Variants in CLVS1 observed in about 807,000 individuals in gnomAD.
CLVS1 encodes clavesin 1, also known as clavesin-1.
In CLVS1, 10 loss-of-function variants were observed where a neutral mutation model predicts 33.1. That is an observed-to-expected ratio of 0.30 (90% CI 0.19 to 0.51). CLVS1 has a LOEUF of 0.51. Ranked by LOEUF, CLVS1 falls within the 20% of genes least tolerant of loss-of-function variation. The pLI, the probability that CLVS1 is intolerant of heterozygous loss-of-function variation, is 0.97. For synonymous variants in CLVS1, 163 were observed against 166.1 expected (o/e 0.98, Z 0.14); for missense variants, 343 against 433.4 (o/e 0.79, Z 1.85).
intron 1 of CLVS1, among the ~76,000 whole-genome samples, chr8:61,075,961 C>T (rs1804902669): frequency 6.6e-6 from 1 of 152,186 alleles, no homozygotes; most frequent in South Asian, 2.1e-4. Flanking sequence ...ATAAGGAATA[C>T]AGGGTCCCTG....
At chr8:61,232,601 T>A (rs1399526276) in intron 2 of CLVS1, among the ~76,000 whole-genome samples, 1 of 152,190 alleles carries the variant, frequency 6.6e-6, no homozygotes. Context: ...CTGCATGTGG[T>A]GATGTGAGAA....
At chr8:61,254,140 T>G (rs1225848338) in intron 2 of CLVS1, among the ~76,000 whole-genome samples, 1 of 152,242 alleles carries the variant, frequency 6.6e-6, no homozygotes, top group Non-Finnish European at 1.5e-5. Context: ...CTTCTAACAG[T>G]CAGGACCCTC....
At chr8:61,368,617 A>G (rs956992335) in intron 2 of CLVS1, among the ~76,000 whole-genome samples, 2 of 152,194 alleles carry the variant, frequency 1.3e-5, no homozygotes, top group Non-Finnish European at 2.9e-5. Context: ...CAATGACTCT[A>G]GCTGTTTTTA....
rs1804039579 is a variant in CLVS1, at chr8:61,490,639, C to T, written c.978-8816C>T. ...CACCACTGCACTCCAGCCTGGGTGA[C>T]AGAGCGAGATCCGTCTCAAAAAAAA... On this transcript the variant is annotated intron_variant, in intron 5 of 5. Transcript: ENST00000325897. 3.0e-5 allele frequency among the ~76,000 whole-genome samples: 4 copies of T among 133,540 alleles called. No homozygotes were observed. In the Admixed American group the frequency reaches 3.4e-4, roughly 11 times the overall value. The allele number at this position is 133,540 out of a possible 152,430, so 87.6% of individuals were successfully genotyped here.
chr8:61,069,008 C>T (rs2129279750), intron 1 of CLVS1, among the ~76,000 whole-genome samples: 1 of 152,274 alleles, frequency 6.6e-6, no homozygotes, highest in East Asian at 1.9e-4. Context: ...TTCTTGTTGT[C>T]CAGGCTGGAG....
At chr8:61,409,246 C>T (rs1223777893) in intron 3 of CLVS1, among the ~76,000 whole-genome samples, 1 of 152,312 alleles carries the variant, frequency 6.6e-6, no homozygotes, top group Admixed American at 6.5e-5. Context: ...GTTTCTACTT[C>T]ATTTCCATCC....
At chr8:61,227,134 T>C (rs1808349047) in intron 2 of CLVS1, among the ~76,000 whole-genome samples, 1 of 152,102 alleles carries the variant, frequency 6.6e-6, no homozygotes, top group South Asian at 2.1e-4. Context: ...AGGTGGACAA[T>C]GTTTGCATGT....
chr8:61,356,725 A>G lies in CLVS1; in HGVS notation c.456-19880A>G, dbSNP rs572851829. 4.0e-3 allele frequency among the ~76,000 whole-genome samples: 609 copies of G among 152,294 alleles called. 4 individuals are homozygous for G. The highest frequency in any genetic ancestry group is 0.014 in the African/African-American group (577 of 41,544). ...GGTTTGTCAAAAGTCAGATAGTTGT[A>G]GATGTGCGGCATTATTTCTGAGGGC... On this transcript the variant is annotated intron_variant, in intron 2 of 5. Transcript: ENST00000325897.
At chr8:61,308,252 CAGG>C (rs1245126418) in intron 2 of CLVS1, among the ~76,000 whole-genome samples, 2 of 152,132 alleles carry the variant, frequency 1.3e-5, no homozygotes, top group Non-Finnish European at 2.9e-5. Context: ...AAAATAGTTT[CAGG>C]AGGAGAAGAC....
At chr8:61,340,098 A>G (rs1183041808) in intron 2 of CLVS1, among the ~76,000 whole-genome samples, 2 of 151,668 alleles carry the variant, frequency 1.3e-5, no homozygotes, top group East Asian at 3.9e-4. Flanking sequence ...AAGAAAAAGA[A>G]AGAAAAGAAA....
chr8:61,033,822 T>C, the CLVS1 span, among the ~76,000 whole-genome samples: 20 of 152,226 alleles, frequency 1.3e-4, no homozygotes, highest in Non-Finnish European at 2.2e-4. Context: ...CCCTGACAGA[T>C]GAGTCAAGTC....
chr8:61,176,231 T>G (rs561634786), intron 2 of CLVS1, among the ~76,000 whole-genome samples: 5 of 152,336 alleles, frequency 3.3e-5, no homozygotes, highest in African/African-American at 9.6e-5. Context: ...GGTTGCCCTC[T>G]TATTGCTCTC....
chr8:61,404,152 T>C (rs1814886403), intron 3 of CLVS1, among the ~76,000 whole-genome samples: 1 of 152,130 alleles, frequency 6.6e-6, no homozygotes, highest in African/African-American at 2.4e-5. Flanking sequence ...ACCTTGAAGG[T>C]CAGGCTCCTC....
At chr8:61,370,803 A>G (rs985632907) in intron 2 of CLVS1, 1 of 151,702 alleles carries the variant, frequency 6.6e-6, no homozygotes, top group African/African-American at 2.4e-5. Flanking sequence ...ATGGTCTCCA[A>G]CTCCATTCAG....
At chr8:61,349,547 G>A (rs1381399701) in intron 2 of CLVS1, among the ~76,000 whole-genome samples, 3 of 152,068 alleles carry the variant, frequency 2.0e-5, no homozygotes, top group Admixed American at 2.0e-4. Context: ...TGGGTGGGCA[G>A]ATGGTACAGG....
At chr8:61,306,246 G>A (rs1385157133) in intron 2 of CLVS1, among the ~76,000 whole-genome samples, 1 of 152,082 alleles carries the variant, frequency 6.6e-6, no homozygotes, top group African/African-American at 2.4e-5. Flanking sequence ...GTATGAGATG[G>A]TACCTCACTG....
At chr8:61,304,484 T>C (rs886202781) in intron 2 of CLVS1, among the ~76,000 whole-genome samples, 4 of 152,208 alleles carry the variant, frequency 2.6e-5, no homozygotes, top group African/African-American at 4.8e-5. Flanking sequence ...CTCGCATGTA[T>C]TTATACAAAA....
At chr8:61,298,861 C>T (rs1481976361) in intron 1 of CLVS1, among the ~76,000 whole-genome samples, 1 of 152,124 alleles carries the variant, frequency 6.6e-6, no homozygotes, top group Non-Finnish European at 1.5e-5. Flanking sequence ...ATAAGTAAAA[C>T]AGCATCTTAG....
At chr8:61,065,030 A>G (rs1393333883) in intron 1 of CLVS1, among the ~76,000 whole-genome samples, 1 of 152,118 alleles carries the variant, frequency 6.6e-6, no homozygotes, top group East Asian at 1.9e-4. Context: ...AAGGACTAAT[A>G]TGTTCCTGCC....
Sources: gnomAD v4.1 joint callset for allele counts (sites outside exome capture counted in the v4.1 genomes callset) on GRCh38, gnomAD v4.1.1 for gene constraint, MANE v1.5 for transcripts, NCBI Gene and HGNC (gene_info 2026-07-23, HGNC 2026-07-21) for gene names.